TUNAR: variants seen among roughly 807,000 people sequenced by gnomAD.
The protein encoded by TUNAR is protein TUNAR.
chr14:95,882,647 A>T (rs1374071400), intron 2 of TUNAR, among the ~76,000 whole-genome samples: 1 of 152,172 alleles, frequency 6.6e-6, no homozygotes, highest in African/African-American at 2.4e-5. Context: ...GGTGAGGGTC[A>T]GTGTATTTCC....
exon 3 of TUNAR, chr14:95,923,713 G>C (rs1889737171): frequency 6.6e-6 from 1 of 151,994 alleles, no homozygotes; most frequent in Non-Finnish European, 1.5e-5. Flanking sequence ...CTTTTACCTT[G>C]CGCTTTTGTT....
At chr14:95,916,638 C>T (rs1889611404) in intron 2 of TUNAR, among the ~76,000 whole-genome samples, 1 of 152,176 alleles carries the variant, frequency 6.6e-6, no homozygotes, top group Non-Finnish European at 1.5e-5. Flanking sequence ...GTGTGTATCT[C>T]AAGGTGGCAT....
At chr14:95,890,442 GGA>G (rs1595117173) in intron 2 of TUNAR, among the ~76,000 whole-genome samples, 1 of 152,190 alleles carries the variant, frequency 6.6e-6, no homozygotes, top group African/African-American at 2.4e-5. Flanking sequence ...TAATTTCCCA[GGA>G]GAGAAGTAGA....
chr14:95,876,974 G>C (rs1428383268), exon 2 of TUNAR: 4 of 152,344 alleles, frequency 2.6e-5, no homozygotes, highest in Admixed American at 2.0e-4. Context: ...CAGCGCGCAC[G>C]GGGTCCCGCG....
chr14:95,921,010 G>A (rs1889689354), intron 2 of TUNAR, among the ~76,000 whole-genome samples: 1 of 152,182 alleles, frequency 6.6e-6, no homozygotes, highest in African/African-American at 2.4e-5. Flanking sequence ...GGCCCAGGAA[G>A]AGCTACCTGA....
At chr14:95,910,617 A>C (rs1889498147) in intron 2 of TUNAR, among the ~76,000 whole-genome samples, 1 of 152,182 alleles carries the variant, frequency 6.6e-6, no homozygotes, top group African/African-American at 2.4e-5. Context: ...CTTTACAGAT[A>C]TTTTATCTCT....
chr14:95,918,955 C>T (rs748877383), intron 2 of TUNAR, among the ~76,000 whole-genome samples: 4 of 152,156 alleles, frequency 2.6e-5, no homozygotes, highest in African/African-American at 9.7e-5. Flanking sequence ...GCTCCATGCC[C>T]GGCATCACGC....
chr14:95,910,259 G>A (rs1416582546), intron 2 of TUNAR, among the ~76,000 whole-genome samples: 3 of 152,206 alleles, frequency 2.0e-5, no homozygotes. Context: ...GCTCACGCCT[G>A]TAATCCCAAC....
intron 2 of TUNAR, among the ~76,000 whole-genome samples, chr14:95,880,974 T>C (rs1311174427): frequency 6.6e-6 from 1 of 152,216 alleles, no homozygotes; most frequent in East Asian, 1.9e-4. Flanking sequence ...TCTCTAATAA[T>C]TATCGAATGG....
intron 2 of TUNAR, among the ~76,000 whole-genome samples, chr14:95,889,137 C>T (rs1400040748): frequency 1.3e-5 from 2 of 152,112 alleles, no homozygotes; most frequent in Non-Finnish European, 2.9e-5. Context: ...GGGCAGACCA[C>T]CTCCCCTCCC....
intron 2 of TUNAR, among the ~76,000 whole-genome samples, chr14:95,900,455 AAG>A (rs1161071949): frequency 6.6e-6 from 1 of 152,134 alleles, no homozygotes; most frequent in African/African-American, 2.4e-5. Context: ...TGGCTTGAGC[AAG>A]AGCCAGGAGT....
rs1403106783 is a variant in TUNAR, at chr14:95,895,166, ACATCTGAGCTG to A, written c.12+17995_12+18005del. 6.6e-6 allele frequency among the ~76,000 whole-genome samples: 1 copy of A among 152,216 alleles called. No individual in the cohort carries two copies. The highest frequency in any genetic ancestry group is 1.5e-5 in the Non-Finnish European group (1 of 68,046). The stretch of plus-strand genomic sequence containing the variant: ...TCATACAAGGTGTCCCAGAGAGGGG[ACATCTGAGCTG>A]CATCTTAAAGGAAGAGTAGCAGTTA... On this transcript the variant is annotated intron_variant, in intron 2 of 2. Transcript: ENST00000678517. The surrounding 1 kb of genome is among the most constrained non-coding windows in gnomAD (Gnocchi z 4.5).
chr14:95,884,948 G>C (rs1325184677), intron 2 of TUNAR, among the ~76,000 whole-genome samples: 1 of 152,096 alleles, frequency 6.6e-6, no homozygotes, highest in Admixed American at 6.5e-5. Context: ...TTGGGGCCTA[G>C]GTTAAGCAAA....
At chr14:95,892,203 T>C (rs189694441) in intron 2 of TUNAR, among the ~76,000 whole-genome samples, 2 of 152,368 alleles carry the variant, frequency 1.3e-5, no homozygotes, top group Admixed American at 6.5e-5. Flanking sequence ...CAGAAGGTTC[T>C]GTGCCTGGTC....
intron 2 of TUNAR, among the ~76,000 whole-genome samples, chr14:95,914,268 C>T (rs1889566565): frequency 6.6e-6 from 1 of 152,186 alleles, no homozygotes; most frequent in Admixed American, 6.5e-5. Context: ...CCAAGGCAAA[C>T]TCAACAGATT....
intron 2 of TUNAR, among the ~76,000 whole-genome samples, chr14:95,907,364 T>C (rs1889443162): frequency 6.6e-6 from 1 of 152,236 alleles, no homozygotes; most frequent in African/African-American, 2.4e-5. Context: ...TTTTGTTAAG[T>C]GTTGCCAATT....
chr14:95,876,915 G>A (rs1888891386), exon 2 of TUNAR: 3 of 152,292 alleles, frequency 2.0e-5, no homozygotes. Context: ...GCCGCCCAGA[G>A]ACCAGCAGGC....
intron 2 of TUNAR, among the ~76,000 whole-genome samples, chr14:95,887,078 G>A (rs1021685802): frequency 1.3e-5 from 2 of 152,142 alleles, no homozygotes; most frequent in South Asian, 4.1e-4. Context: ...GAAATCGATG[G>A]GGCTGAGTTC....
intron 2 of TUNAR, among the ~76,000 whole-genome samples, chr14:95,889,450 A>G (rs909857954): frequency 2.6e-5 from 2 of 76,344 alleles, no homozygotes; most frequent in African/African-American, 5.1e-5. Flanking sequence ...TCCACCCCTC[A>G]CCCCCTCCTC....
Sources: gnomAD v4.1 joint callset for allele counts (sites outside exome capture counted in the v4.1 genomes callset) on GRCh38, gnomAD v4.1.1 for gene constraint, Gnocchi (gnomAD v3.1) non-coding constraint, MANE v1.5 for transcripts, NCBI Gene and HGNC (gene_info 2026-07-23, HGNC 2026-07-21) for gene names.